Variants in ARSH observed in about 807,000 individuals in gnomAD.
The protein encoded by ARSH is arylsulfatase H.
ARSH carries 32 observed loss-of-function variants against 28.7 expected under a neutral mutation model. The observed-to-expected ratio is 1.11, with a 90% CI of 0.84 to 1.50. The LOEUF (loss-of-function observed/expected upper bound fraction) is 1.50. Ranked by LOEUF, ARSH falls within the 40% of genes most tolerant of loss-of-function variation. The pLI, the probability that ARSH is intolerant of heterozygous loss-of-function variation, is 0.00. For missense variants in ARSH, 440 were observed against 452.4 expected (o/e 0.97, Z 0.25); for synonymous variants, 176 against 177.3 (o/e 0.99, Z 0.06).
In ARSH at chrX:3,020,441, G is replaced by T. The variant is rs1192785150; in HGVS notation, c.901+1771G>T. ...CGTCTCTACTAAAAATAGAAAAAAT[G>T]AGCCGGGCGCGGTGGCGGGCGCCTG... On this transcript the variant is annotated intron_variant, in intron 5 of 8. Transcript: ENST00000381130. Among the ~76,000 whole-genome samples, 614 of 104,953 alleles carry T rather than the reference G, an allele frequency of 5.9e-3. 9 individuals are homozygous for T. Among genetic ancestry groups the T allele is most frequent in the Non-Finnish European group, 8.9e-3 (449 of 50,424 alleles). 91.1% of individuals were successfully genotyped at this position (104,953 alleles called of 115,157 possible).
chrX:3,012,068 C>G (rs1045600014), intron 2 of ARSH, among the ~76,000 whole-genome samples: 2 of 111,879 alleles, frequency 1.8e-5, no homozygotes, highest in South Asian at 3.7e-4. Context: ...GTCTCCTGAT[C>G]TCAGGTGATC....
At chrX:3,029,983 T>G (rs1219073366) in intron 8 of ARSH, among the ~76,000 whole-genome samples, 1 of 112,166 alleles carries the variant, frequency 8.9e-6, no homozygotes, top group African/African-American at 3.2e-5. Flanking sequence ...ATCCTCTCTC[T>G]TTGGCCTCCC....
Position 3,014,992 on chromosome X carries a change from C to T in ARSH, c.363C>T (p.Ser121=), listed in dbSNP as rs1569123249. The change falls in exon 4 of 9, where the codon AGC becomes AGT. Residue 121 remains serine (S), a synonymous_variant. Coordinates refer to ENST00000381130, the MANE Select transcript of ARSH (RefSeq NM_001011719.2). The part of the protein sequence containing the change: ...GLIGKWHLGL[S]CASRNDHCYH... ...TAGGCAAATGGCACCTGGGTTTGAG[C>T]TGCGCCTCTCGGAATGATCACTGTT... is the stretch of plus-strand genomic sequence containing the variant. 7.4e-6 allele frequency: 9 copies of T among 1,210,812 alleles called. No homozygotes were observed. Among genetic ancestry groups the T allele is most frequent in the Admixed American group, 2.2e-5 (1 of 45,930 alleles).
At position 3,023,928 on chromosome X, in the gene ARSH, T is replaced by C. The variant is rs750024845; in HGVS notation, c.902-93T>C. The stretch of plus-strand genomic sequence containing the variant: ...GTAGTGCAGAATAACATTGAAACGC[T>C]ATGTGTAATAAATACATAGTAGCAG... On this transcript the variant is annotated intron_variant, in intron 5 of 8. Transcript: ENST00000381130. The C allele has an allele frequency of 7.9e-6, 8 of 1,017,066 alleles. No homozygotes were observed. In the South Asian group the frequency reaches 1.0e-4, roughly 13 times the overall value. 83.8% of individuals were successfully genotyped at this position (1,017,066 alleles called of 1,213,427 possible). A position where few individuals can be genotyped will look rare whatever the true frequency, so the allele number is the denominator to read the frequency against.
rs1241158702 is a variant in ARSH at position 3,033,555 on chromosome X, C to T, written c.*170C>T. ...GAGCTCGGTGAAATTAAAGTGGGCC[C>T]ATATAACAGTGAACCTGGAGGGGAG... On this transcript the variant is annotated 3_prime_UTR_variant, in exon 9 of 9. Coordinates refer to ENST00000381130, the MANE Select transcript of ARSH (RefSeq NM_001011719.2). 91 of 478,100 alleles carry T rather than the reference C, an allele frequency of 1.9e-4. No individual in the cohort carries two copies. In the East Asian group the frequency reaches 3.6e-3, roughly 19 times the overall value. The allele number at this position is 478,100 out of a possible 1,213,427, so 39.4% of individuals were successfully genotyped here.
chrX:3,029,363 A>G lies in ARSH; in HGVS notation c.1316A>G (p.Lys439Arg). The change falls in exon 8 of 9, where the codon AAG becomes AGG. Residue 439 changes from lysine to arginine, a missense_variant. Transcript: ENST00000381130. ...VYLHTVRWHQ[K>R]DCATVWKAHY... Reference sequence around the variant, plus strand: ...CTGCACACGGTCAGGTGGCATCAGAAGGACTGTAAGTATGAAGGCTGTGGA... The same window carrying G: ...CTGCACACGGTCAGGTGGCATCAGAGGGACTGTAAGTATGAAGGCTGTGGA... 2 of 1,209,093 alleles carry G rather than the reference A, an allele frequency of 1.7e-6. No individual in the cohort carries two copies. The highest frequency in any genetic ancestry group is 3.5e-5 in the African/African-American group (2 of 57,727).
chrX:3,023,976 T>C, intron 5 of ARSH, 45 bp from the exon 6 acceptor site: 1 of 1,203,950 alleles, frequency 8.3e-7, no homozygotes, highest in African/African-American at 1.7e-5. Context: ...GCAGTGGTGA[T>C]CTGCATCAAG....
chrX:3,028,777 A>C (rs1191295754), intron 7 of ARSH, among the ~76,000 whole-genome samples: 1 of 111,056 alleles, frequency 9.0e-6, no homozygotes, highest in Non-Finnish European at 1.9e-5. Context: ...AAAAGGAGAA[A>C]GTTTTAAGAA....
chrX:3,014,718 T>C (rs1374530062), intron 3 of ARSH, among the ~76,000 whole-genome samples: 1 of 111,469 alleles, frequency 9.0e-6, no homozygotes, highest in Non-Finnish European at 1.9e-5. Flanking sequence ...GAATGAACAC[T>C]AGGCTCCTCT....
At chrX:3,026,453 G>A in intron 6 of ARSH, among the ~76,000 whole-genome samples, 1 of 111,937 alleles carries the variant, frequency 8.9e-6, no homozygotes, top group Non-Finnish European at 1.9e-5. Context: ...TCTTTGTAAT[G>A]CTGCCTGTCA....
chrX:3,021,412 C>T (rs1230064847), intron 5 of ARSH, among the ~76,000 whole-genome samples: 2 of 111,263 alleles, frequency 1.8e-5, no homozygotes, highest in East Asian at 5.6e-4. Context: ...GTAACATCTC[C>T]CAAATATTCT....
rs201825434 is a variant in ARSH, at chrX:3,033,050, C to A, written c.1354C>A (p.Pro452Thr). Residue 452 changes from proline to threonine, a missense_variant, in exon 9 of 9, where the codon CCT (proline) becomes ACT (threonine). Physicochemically the swap from Pro to Thr is conservative, Grantham distance 38. Transcript: ENST00000381130. Reference protein sequence around the residue: ...ATVWKAHYVTPKFYPEGTGAC... With the variant: ...ATVWKAHYVTTKFYPEGTGAC... ...TGTGTGGAAAGCTCATTATGTGACT[C>A]CTAAATTCTACCCTGAAGGAACAGG... 8.3e-7 allele frequency: 1 copy of A among 1,208,784 alleles called. No individual in the cohort carries two copies. The highest frequency in any genetic ancestry group is 1.8e-5 in the African/African-American group (1 of 57,024).
intron 5 of ARSH, among the ~76,000 whole-genome samples, chrX:3,023,100 T>C (rs1049078690): frequency 1.4e-4 from 15 of 105,684 alleles, no homozygotes; most frequent in Non-Finnish European, 2.7e-4. Flanking sequence ...GTACTTTATA[T>C]ATTGTATATG....
At chrX:3,014,748 G>A (rs1603463367) in intron 3 of ARSH, among the ~76,000 whole-genome samples, 1 of 111,541 alleles carries the variant, frequency 9.0e-6, no homozygotes, top group Non-Finnish European at 1.9e-5. Context: ...AAGCAAAGAG[G>A]CTCCTGCTGC....
chrX:3,034,045 A>G lies in ARSH; in HGVS notation c.*660A>G, dbSNP rs1199497687. Among the ~76,000 whole-genome samples, 1 of 112,008 alleles carries G rather than the reference A, an allele frequency of 8.9e-6. No homozygotes were observed. Among genetic ancestry groups the G allele is most frequent in the Non-Finnish European group, 1.9e-5 (1 of 53,320 alleles). On this transcript the variant is annotated 3_prime_UTR_variant, in exon 9 of 9. Coordinates refer to ENST00000381130, the MANE Select transcript of ARSH (RefSeq NM_001011719.2). ...ACTTCACAGAGTAGCTATGAGGATT[A>G]CATGCATTAATTAATGTGAAATTGC... is the stretch of plus-strand genomic sequence containing the variant.
intron 1 of ARSH, among the ~76,000 whole-genome samples, chrX:3,008,119 C>T (rs916566517): frequency 2.7e-5 from 3 of 112,094 alleles, no homozygotes; most frequent in Non-Finnish European, 5.6e-5. Flanking sequence ...TTTCACTTAG[C>T]GTGATGTTTT....
At position 3,013,185 on chromosome X, in the gene ARSH, A is replaced by G; in HGVS notation, c.340+13A>G. The G allele has an allele frequency of 8.3e-7, 1 of 1,198,931 alleles. No individual in the cohort carries two copies. The highest frequency in any genetic ancestry group is 2.3e-5 in the Admixed American group (1 of 44,321). On this transcript the variant is annotated intron_variant, in intron 3 of 8. Coordinates refer to ENST00000381130, the MANE Select transcript of ARSH (RefSeq NM_001011719.2). ...ACGGGACTCATAGGTATGGCGCCGG[A>G]ACTCTGCCCGTGGAAACGTGATCCT...
intron 1 of ARSH, among the ~76,000 whole-genome samples, chrX:3,006,936 T>G (rs1278477476): frequency 9.0e-6 from 1 of 111,292 alleles, no homozygotes; most frequent in Non-Finnish European, 1.9e-5. Context: ...GGGCAAAATT[T>G]ACATTTAAAA....
In ARSH at chrX:3,027,311, A is replaced by C; in HGVS notation, c.1037-2A>C. 8.3e-7 allele frequency: 1 copy of C among 1,209,843 alleles called. No individual in the cohort carries two copies. Among genetic ancestry groups the C allele is most frequent in the Non-Finnish European group, 1.1e-6 (1 of 894,901 alleles). On this transcript the variant is annotated splice_acceptor_variant, in intron 6 of 8. Coordinates refer to ENST00000381130, the MANE Select transcript of ARSH (RefSeq NM_001011719.2). LOFTEE classifies it high-confidence loss of function. ...TGGTTGTGTCGTAATCTTTGGTTTT[A>C]GGTGGCAAAGGAATGGGAGGATGGG...
Sources: gnomAD v4.1 joint callset for allele counts (sites outside exome capture counted in the v4.1 genomes callset) on GRCh38, gnomAD v4.1.1 for gene constraint, MANE v1.5 for transcripts, NCBI Gene and HGNC (gene_info 2026-07-23, HGNC 2026-07-21) for gene names.